Variants in CAST observed in about 807,000 individuals in gnomAD.
CAST encodes MIR583 host.
Under a neutral mutation model 119.6 loss-of-function variants are expected in CAST, and 76 were observed. That is an observed-to-expected ratio of 0.64 (90% CI 0.53 to 0.77). The LOEUF (loss-of-function observed/expected upper bound fraction) is 0.77. Among genes scored for constraint, CAST ranks in the 30% least tolerant of loss-of-function variants. The pLI is 0.00. For synonymous variants in CAST, 319 were observed against 331.6 expected, an observed-to-expected ratio of 0.96 and a Z score of 0.41; for missense variants, 953 against 946.5, an observed-to-expected ratio of 1.01 and a Z score of -0.09.
chr5:96,453,051 T>C, the CAST span, among the ~76,000 whole-genome samples: 1 of 136,110 alleles, frequency 7.3e-6, no homozygotes, highest in African/African-American at 2.9e-5. Context: ...AATGAACAAA[T>C]ATGATCCCTA....
intron 1 of CAST, among the ~76,000 whole-genome samples, chr5:96,625,728 G>A (rs1247864069): frequency 6.6e-6 from 1 of 152,066 alleles, no homozygotes; most frequent in African/African-American, 2.4e-5. Context: ...AATCTGTCTT[G>A]GGAAGGACAG....
chr5:96,483,558 T>G, the CAST span, among the ~76,000 whole-genome samples: 2 of 152,226 alleles, frequency 1.3e-5, no homozygotes, highest in Admixed American at 6.5e-5. Context: ...CAAAGAATTA[T>G]TCTGACTTTT....
chr5:96,180,800 A>C, the CAST span, among the ~76,000 whole-genome samples: 1 of 152,222 alleles, frequency 6.6e-6, no homozygotes, highest in African/African-American at 2.4e-5. Flanking sequence ...TTCTTCATGT[A>C]AACAGTGGAT....
intron 1 of CAST, among the ~76,000 whole-genome samples, chr5:96,627,033 CAG>C (rs535501931): frequency 4.5e-4 from 69 of 152,238 alleles, no homozygotes; most frequent in African/African-American, 1.6e-3. Context: ...AGTCAGCTCA[CAG>C]GGAAACAAAG....
chr5:96,614,222 G>T (rs1340836236), intron 1 of CAST, among the ~76,000 whole-genome samples: 1 of 152,154 alleles, frequency 6.6e-6, no homozygotes, highest in African/African-American at 2.4e-5. Flanking sequence ...TCATCATTTT[G>T]TCTCAAATGA....
chr5:96,386,679 A>G, the CAST span, among the ~76,000 whole-genome samples: 1 of 152,222 alleles, frequency 6.6e-6, no homozygotes. Flanking sequence ...CAGAAACCAT[A>G]CTTTGCCAGG....
the CAST span, chr5:96,308,606 T>C: frequency 6.6e-6 from 1 of 152,130 alleles, no homozygotes; most frequent in Non-Finnish European, 1.5e-5. Flanking sequence ...CTACCTTTGA[T>C]CTTTGATGTT....
chr5:96,570,074 C>T (rs185189226), intron 1 of CAST, among the ~76,000 whole-genome samples: 73 of 152,310 alleles, frequency 4.8e-4, no homozygotes, highest in African/African-American at 1.7e-3. Flanking sequence ...ATCTAAAATC[C>T]GTTGCTCACT....
At chr5:96,015,207 T>A in the CAST span, among the ~76,000 whole-genome samples, 2 of 152,216 alleles carry the variant, frequency 1.3e-5, no homozygotes, top group African/African-American at 4.8e-5. Context: ...TAGTATAGTA[T>A]CCTAAATATT....
chr5:96,208,840 T>C, the CAST span, among the ~76,000 whole-genome samples: 1 of 152,088 alleles, frequency 6.6e-6, no homozygotes, highest in African/African-American at 2.4e-5. Flanking sequence ...GTTAGGTCTA[T>C]TTGGTTACAT....
chr5:96,250,532 C>T, the CAST span, among the ~76,000 whole-genome samples: 9 of 152,114 alleles, frequency 5.9e-5, no homozygotes, highest in Non-Finnish European at 1.3e-4. Context: ...CTCTTCTGGA[C>T]ACATTAATGA....
At chr5:96,320,488 T>G in the CAST span, among the ~76,000 whole-genome samples, 4 of 152,154 alleles carry the variant, frequency 2.6e-5, no homozygotes, top group African/African-American at 9.7e-5. Flanking sequence ...TCCGCCCGCC[T>G]CAGCCTCCCA....
At chr5:96,601,081 T>G (rs1427263057) in intron 1 of CAST, among the ~76,000 whole-genome samples, 2 of 152,218 alleles carry the variant, frequency 1.3e-5, no homozygotes, top group African/African-American at 4.8e-5. Flanking sequence ...CTCCTTGTTG[T>G]GTGAATGTCT....
intron 1 of CAST, among the ~76,000 whole-genome samples, chr5:96,618,081 G>T (rs1001408721): frequency 2.0e-5 from 3 of 152,136 alleles, no homozygotes; most frequent in African/African-American, 7.2e-5. Context: ...GCTTAGAATG[G>T]GAAAACAGAT....
the CAST span, among the ~76,000 whole-genome samples, chr5:96,212,041 G>C: frequency 6.6e-6 from 1 of 151,964 alleles, no homozygotes; most frequent in African/African-American, 2.4e-5. Flanking sequence ...AGTCTTGCTA[G>C]AGTTTTGTCA....
the CAST span, among the ~76,000 whole-genome samples, chr5:95,998,587 G>T: frequency 1.3e-5 from 2 of 152,238 alleles, no homozygotes; most frequent in South Asian, 2.1e-4. Flanking sequence ...CAAATGACAT[G>T]ATTTCACTCT....
chr5:96,016,673 T>G, the CAST span, among the ~76,000 whole-genome samples: 1 of 152,154 alleles, frequency 6.6e-6, no homozygotes, highest in African/African-American at 2.4e-5. Context: ...CTATTTTAAT[T>G]CTTAATATAC....
the CAST span, among the ~76,000 whole-genome samples, chr5:96,459,685 G>A: frequency 3.3e-5 from 5 of 152,152 alleles, no homozygotes; most frequent in South Asian, 2.1e-4. Flanking sequence ...TTTCTGAGTA[G>A]CCACACATGT....
upstream of CAST, among the ~76,000 whole-genome samples, chr5:96,521,846 C>T (rs530475320): frequency 4.6e-5 from 7 of 152,256 alleles, no homozygotes; most frequent in African/African-American, 7.2e-5. Flanking sequence ...AGGCCGGGTG[C>T]GGTGGCTCCG....
Sources: gnomAD v4.1 joint callset for allele counts (sites outside exome capture counted in the v4.1 genomes callset) on GRCh38, gnomAD v4.1.1 for gene constraint, MANE v1.5 for transcripts, NCBI Gene and HGNC (gene_info 2026-07-23, HGNC 2026-07-21) for gene names.